The following OR9G4 variants were observed in gnomAD, a reference collection of about 807,000 sequenced individuals.
OR9G4 encodes the protein olfactory receptor family 9 subfamily G member 4.
Under a neutral mutation model 16.7 loss-of-function variants are expected in OR9G4, and 19 were observed. That is an observed-to-expected ratio of 1.14 (90% CI 0.79 to 1.67). The LOEUF (loss-of-function observed/expected upper bound fraction) is 1.67. Among genes scored for constraint, OR9G4 ranks in the 40% most tolerant of loss-of-function variants. OR9G4 has a pLI of 0.00. For missense variants in OR9G4, 428 were observed against 370.4 expected (o/e 1.16, Z -1.28); for synonymous variants, 182 against 146.2 (o/e 1.24, Z -1.76).
At position 56,741,839 on chromosome 11, in the gene OR9G4, C is replaced by A. The variant is rs1321447392; in HGVS notation, c.*989G>T. The A allele has an allele frequency of 6.6e-6, 1 of 152,166 alleles. No homozygotes were observed. Among genetic ancestry groups the A allele is most frequent in the East Asian group, 1.9e-4 (1 of 5,186 alleles). The allele number at this position is 152,166 out of a possible 1,614,324, so 9.4% of individuals were successfully genotyped here. A position where few individuals can be genotyped will look rare whatever the true frequency, so the allele number is the denominator to read the frequency against. On this transcript the variant is annotated 3_prime_UTR_variant, in exon 2 of 2. Coordinates refer to ENST00000641668, the MANE Select transcript of OR9G4 (RefSeq NM_001005284.2). ...AAAGGCTACTAAATGAAATATCAACCCAACCTGCCATCACAAGGGGGTTCA... is the reference window on the plus strand; with the variant it reads ...AAAGGCTACTAAATGAAATATCAACACAACCTGCCATCACAAGGGGGTTCA...
rs767595501 is a variant in OR9G4, at chr11:56,743,424, G to A, written c.343C>T (p.Leu115=). ...CVVAYTECYL[L]AAMAYDRHAA... ...TGGCGGTCATATGCCATGGCTGCCA[G>A]GAGATAGCATTCAGTGTAGGCTACA... The change falls in exon 2 of 2, where the codon CTG becomes TTG. Residue 115 remains leucine (L), a synonymous_variant. Transcript: ENST00000641668. The A allele has an allele frequency of 6.2e-7, 1 of 1,614,128 alleles. No individual in the cohort carries two copies. The highest frequency in any genetic ancestry group is 1.1e-5 in the South Asian group (1 of 91,080).
chr11:56,744,012 G>A (rs1858362981), intron 1 of OR9G4: 3 of 544,310 alleles, frequency 5.5e-6, no homozygotes, highest in South Asian at 2.7e-5. Context: ...TGCAGGACAA[G>A]ACCCATATTC....
rs1378912081 is a variant in OR9G4 at position 56,742,092 on chromosome 11, G to C, written c.*736C>G. The C allele has an allele frequency of 1.3e-5, 2 of 152,316 alleles. No individual in the cohort carries two copies. Among genetic ancestry groups the C allele is most frequent in the East Asian group, 3.8e-4 (2 of 5,204 alleles). The allele number at this position is 152,316 out of a possible 1,614,324, so 9.4% of individuals were successfully genotyped here. On this transcript the variant is annotated 3_prime_UTR_variant, in exon 2 of 2. Transcript: ENST00000641668. ...AGAGAAAGGTAACTAGGGAACAGTG[G>C]TTACTATTGTTGTTCATTTGTTTTA... is the stretch of plus-strand genomic sequence containing the variant.
chr11:56,744,333 C>A (rs150600640), intron 1 of OR9G4, among the ~76,000 whole-genome samples: 2 of 152,242 alleles, frequency 1.3e-5, no homozygotes, highest in East Asian at 1.9e-4. Flanking sequence ...GGATTACAGG[C>A]GTGAGCCATC....
At chr11:56,747,156 G>A (rs1360860946) in intron 1 of OR9G4, among the ~76,000 whole-genome samples, 1 of 150,392 alleles carries the variant, frequency 6.6e-6, no homozygotes, top group East Asian at 2.0e-4. Context: ...TTTCTCAAAT[G>A]TGCCGTCTCT....
In OR9G4 at chr11:56,743,540, A is replaced by C. The variant is rs1363635867; in HGVS notation, c.227T>G (p.Val76Gly). ...LSFLDFWYTS[V>G]YTPKILASCV... is the part of the protein sequence containing the mutation. ...ACTGGCCAGGATTTTGGGGGTATAC[A>C]CAGAGGTATACCAGAAATCCAAAAA... is the stretch of plus-strand genomic sequence containing the variant. Residue 76 changes from valine (V) to glycine (G), a missense_variant, in exon 2 of 2, where the codon GTG becomes GGG. Transcript: ENST00000641668. The C allele has an allele frequency of 1.2e-6, 2 of 1,613,996 alleles. No homozygotes were observed. Among genetic ancestry groups the C allele is most frequent in the East Asian group, 4.5e-5 (2 of 44,890 alleles).
chr11:56,743,719 A>G lies in OR9G4; in HGVS notation c.48T>C (p.Gly16=), dbSNP rs1858354078. Reference sequence around the variant, plus strand: ...GCTGCCACTGGGAATCTGCTGAGAAACCCAACAAGATGAATTCAGTCAGGA... The same window carrying G: ...GCTGCCACTGGGAATCTGCTGAGAAGCCCAACAAGATGAATTCAGTCAGGA... The part of the protein sequence containing the change: ...CTILTEFILL[G]FSADSQWQPI... The change falls in exon 2 of 2, where the codon GGT becomes GGC. Residue 16 remains glycine, a synonymous_variant. Transcript: ENST00000641668. 6.2e-7 allele frequency: 1 copy of G among 1,613,944 alleles called. No homozygotes were observed.
chr11:56,743,242 G>A lies in OR9G4; in HGVS notation c.525C>T (p.Asp175=). The part of the protein sequence containing the change: ...RLHFCGKNII[D]HFFCDAPPLV... ...ATGGTGGTGCATCACAGAAAAAGTG[G>A]TCAATGATATTTTTACCACAAAAAT... The change falls in exon 2 of 2, where the codon GAC becomes GAT. Residue 175 remains aspartate (D), a synonymous_variant. Transcript: ENST00000641668. 2 of 1,614,094 alleles carry A rather than the reference G, an allele frequency of 1.2e-6. No homozygotes were observed. The highest frequency in any genetic ancestry group is 1.7e-6 in the Non-Finnish European group (2 of 1,179,990).
At chr11:56,746,388 A>C (rs1858417278) in intron 1 of OR9G4, among the ~76,000 whole-genome samples, 1 of 152,066 alleles carries the variant, frequency 6.6e-6, no homozygotes, top group African/African-American at 2.4e-5. Context: ...GCAAATAATT[A>C]ATGGCTCAAA....
intron 1 of OR9G4, among the ~76,000 whole-genome samples, chr11:56,747,703 CTCACACTGTCACCCAGGCTGG>C (rs1858440511): frequency 7.0e-6 from 1 of 142,694 alleles, no homozygotes; most frequent in Non-Finnish European, 1.6e-5. Flanking sequence ...GAGACGGAGT[CTCACACTGTCACCCAGGCTGG>C]ACTGCAGTGG....
intron 1 of OR9G4, among the ~76,000 whole-genome samples, chr11:56,746,032 G>A (rs1858406311): frequency 6.6e-6 from 1 of 151,952 alleles, no homozygotes; most frequent in Non-Finnish European, 1.5e-5. Flanking sequence ...GGTGGCTCAC[G>A]CCTGTAATCC....
intron 1 of OR9G4, among the ~76,000 whole-genome samples, chr11:56,746,292 C>CAAAAAA (rs71470125): frequency 2.8e-5 from 2 of 70,558 alleles, no homozygotes; most frequent in East Asian, 4.1e-4. Context: ...GACTCCGTCT[C>CAAAAAA]AAAAAAAAAA....
chr11:56,744,336 G>A (rs1240791653), intron 1 of OR9G4, among the ~76,000 whole-genome samples: 1 of 152,180 alleles, frequency 6.6e-6, no homozygotes, highest in Non-Finnish European at 1.5e-5. Context: ...TTACAGGCGT[G>A]AGCCATCGCA....
chr11:56,747,909 C>A, intron 1 of OR9G4, among the ~76,000 whole-genome samples: 1 of 152,136 alleles, frequency 6.6e-6, no homozygotes, highest in Non-Finnish European at 1.5e-5. Context: ...CTCCTCACCT[C>A]GTGATCCGCC....
chr11:56,743,720 C>G lies in OR9G4; in HGVS notation c.47G>C (p.Gly16Ala), dbSNP rs769216280. 16 of 1,614,164 alleles carry G rather than the reference C, an allele frequency of 9.9e-6. No individual in the cohort carries two copies. The highest frequency in any genetic ancestry group is 7.7e-5 in the South Asian group (7 of 91,078). The change falls in exon 2 of 2, where the codon GGT (glycine) becomes GCT (alanine). Residue 16 changes from glycine (G) to alanine (A), a missense_variant. By Grantham distance (60) the Gly-to-Ala change is moderately conservative (BLOSUM62 0). Transcript: ENST00000641668. The part of the protein sequence containing the change: ...CTILTEFILL[G>A]FSADSQWQPI... ...CTGCCACTGGGAATCTGCTGAGAAA[C>G]CCAACAAGATGAATTCAGTCAGGAT... is the stretch of plus-strand genomic sequence containing the variant.
chr11:56,743,467 C>T lies in OR9G4; in HGVS notation c.300G>A (p.Gln100=), dbSNP rs776390606. ...KRISLAGCGA[Q]LFFSCVVAYT... is the part of the protein sequence containing the mutation. Reference sequence around the variant, plus strand: ...AGGCTACAACACAGGAAAAAAACAGCTGAGCCCCACATCCAGCCAAGGAAA... The same window carrying T: ...AGGCTACAACACAGGAAAAAAACAGTTGAGCCCCACATCCAGCCAAGGAAA... The change falls in exon 2 of 2, where the codon CAG becomes CAA. Residue 100 remains glutamine, a synonymous_variant. Coordinates refer to ENST00000641668, the MANE Select transcript of OR9G4 (RefSeq NM_001005284.2). 3 of 1,614,126 alleles carry T rather than the reference C, an allele frequency of 1.9e-6. No individual in the cohort carries two copies. Among genetic ancestry groups the T allele is most frequent in the South Asian group, 1.1e-5 (1 of 91,078 alleles).
At chr11:56,746,801 A>G (rs974529727) in intron 1 of OR9G4, among the ~76,000 whole-genome samples, 1 of 151,900 alleles carries the variant, frequency 6.6e-6, no homozygotes, top group East Asian at 1.9e-4. Flanking sequence ...GAAAATTGCA[A>G]TTTTCCTACC....
chr11:56,747,007 A>T (rs1858425884), intron 1 of OR9G4, among the ~76,000 whole-genome samples: 1 of 152,078 alleles, frequency 6.6e-6, no homozygotes, highest in Non-Finnish European at 1.5e-5. Flanking sequence ...CTGTATTTAA[A>T]ACCCTGTAAA....
chr11:56,746,922 T>TAACAAGGGA (rs1858424954), intron 1 of OR9G4, among the ~76,000 whole-genome samples: 1 of 152,188 alleles, frequency 6.6e-6, no homozygotes, highest in Non-Finnish European at 1.5e-5. Context: ...CTAACTCATC[T>TAACAAGGGA]ACACCCTTGT....
Sources: gnomAD v4.1 joint callset for allele counts (sites outside exome capture counted in the v4.1 genomes callset) on GRCh38, gnomAD v4.1.1 for gene constraint, MANE v1.5 for transcripts, NCBI Gene and HGNC (gene_info 2026-07-23, HGNC 2026-07-21) for gene names.